Variants in PRKCQ observed in about 807,000 individuals in gnomAD.
PRKCQ encodes protein kinase C theta, also known as protein kinase C theta type.
PRKCQ carries 41 observed loss-of-function variants against 91.2 expected under a neutral mutation model. That is an observed-to-expected ratio of 0.45 (90% confidence interval 0.35 to 0.58). The LOEUF is 0.58. Ranked by LOEUF, PRKCQ falls within the 20% of genes least tolerant of loss-of-function variation. The pLI is 0.00. For missense variants in PRKCQ, 673 were observed against 896.5 expected, an observed-to-expected ratio of 0.75 and a Z score of 3.18; for synonymous variants, 307 against 316.9, an observed-to-expected ratio of 0.97 and a Z score of 0.33.
At chr10:6,507,630 A>G in intron 3 of PRKCQ, 134 bp from the exon 4 acceptor site, 2 of 769,696 alleles carry the variant, frequency 2.6e-6, no homozygotes, top group South Asian at 3.1e-5. Flanking sequence ...ACTGTACTCA[A>G]ACTCATTGTC....
intron 1 of PRKCQ, among the ~76,000 whole-genome samples, chr10:6,516,540 GTTTC>G (rs951723319): frequency 1.3e-5 from 2 of 152,178 alleles, no homozygotes; most frequent in Admixed American, 1.3e-4. Flanking sequence ...TCTGGAGAGA[GTTTC>G]TTTGAGAATC....
rs369854553 is a variant in PRKCQ at position 6,567,918 on chromosome 10, G to A, written c.-10+12293C>T. 6.5e-3 allele frequency among the ~76,000 whole-genome samples: 987 copies of A among 151,762 alleles called. 12 individuals carry two copies. The highest frequency in any genetic ancestry group is 0.044 in the South Asian group (210 of 4,790). On this transcript the variant is annotated intron_variant, in intron 1 of 17. Transcript: ENST00000263125. ...ATTTAGTCTTTTACCTTTCTTACTC[G>A]TATCTATTTTAGTACATTTAAAAGT...
chr10:6,399,766 G>A, the PRKCQ span, among the ~76,000 whole-genome samples: 1,265 of 152,114 alleles, frequency 8.3e-3, 17 homozygotes, highest in African/African-American at 0.029. Flanking sequence ...CTTGGCTGGC[G>A]GATTCCACAA....
At chr10:6,398,528 G>A in the PRKCQ span, among the ~76,000 whole-genome samples, 1,592 of 152,264 alleles carry the variant, frequency 0.01, 35 homozygotes, top group African/African-American at 0.036. Context: ...TTCATTTGGA[G>A]TGGGCATGTG....
chr10:6,417,894 G>A, the PRKCQ span, among the ~76,000 whole-genome samples: 3 of 152,166 alleles, frequency 2.0e-5, no homozygotes, highest in Admixed American at 6.5e-5. Flanking sequence ...CCCAGCAAAA[G>A]TCCCTTCACT....
At chr10:6,418,327 C>G in the PRKCQ span, among the ~76,000 whole-genome samples, 1 of 152,198 alleles carries the variant, frequency 6.6e-6, no homozygotes, top group South Asian at 2.1e-4. Context: ...TGACAAAGAG[C>G]TGATAGGCAG....
intron 1 of PRKCQ, among the ~76,000 whole-genome samples, chr10:6,537,059 G>T (rs1481190889): frequency 6.6e-6 from 1 of 152,230 alleles, no homozygotes; most frequent in Non-Finnish European, 1.5e-5. Flanking sequence ...GGGACAGAAA[G>T]ATGGGGCGCA....
the PRKCQ span, among the ~76,000 whole-genome samples, chr10:6,410,376 T>C: frequency 6.6e-6 from 1 of 152,242 alleles, no homozygotes; most frequent in Non-Finnish European, 1.5e-5. Flanking sequence ...GAATTGGAAG[T>C]GCCAGAGATC....
chr10:6,464,431 TTTTA>T, intron 12 of PRKCQ, 27 bp from the exon 13 acceptor site: 1 of 1,506,086 alleles, frequency 6.6e-7, no homozygotes, highest in Non-Finnish European at 9.1e-7. Flanking sequence ...CAATTCCAAC[TTTTA>T]TTTCATTTCA....
chr10:6,425,493 A>T (rs1833095353), downstream of PRKCQ, among the ~76,000 whole-genome samples: 2 of 151,588 alleles, frequency 1.3e-5, no homozygotes, highest in South Asian at 4.2e-4. Flanking sequence ...AAGTGCTGGG[A>T]TTACAGGCGT....
chr10:6,474,881 C>T (rs1836187006), intron 12 of PRKCQ, among the ~76,000 whole-genome samples: 1 of 152,088 alleles, frequency 6.6e-6, no homozygotes, highest in Admixed American at 6.5e-5. Flanking sequence ...CAAAAGTTGG[C>T]TGGCATCCGC....
At chr10:6,541,908 A>AT (rs886556915) in intron 1 of PRKCQ, among the ~76,000 whole-genome samples, 1 of 151,884 alleles carries the variant, frequency 6.6e-6, no homozygotes, top group African/African-American at 2.4e-5. Flanking sequence ...ATTTCAAATG[A>AT]TTTTTTTTCT....
At chr10:6,415,334 A>G in the PRKCQ span, among the ~76,000 whole-genome samples, 1 of 150,450 alleles carries the variant, frequency 6.6e-6, no homozygotes, top group South Asian at 2.1e-4. Flanking sequence ...AAAGAAAACG[A>G]TACCAACACA....
At chr10:6,516,433 A>T (rs879204756) in intron 1 of PRKCQ, among the ~76,000 whole-genome samples, 1 of 152,220 alleles carries the variant, frequency 6.6e-6, no homozygotes, top group Admixed American at 6.5e-5. Context: ...TTGCTGAATT[A>T]GCAGGTAGAT....
chr10:6,489,803 G>C (rs1251624612), intron 8 of PRKCQ, among the ~76,000 whole-genome samples: 1 of 152,062 alleles, frequency 6.6e-6, no homozygotes, highest in African/African-American at 2.4e-5. Flanking sequence ...GGAGCGGAAA[G>C]GAAAGAGTAT....
At chr10:6,448,200 G>A (rs1265445537) in intron 15 of PRKCQ, among the ~76,000 whole-genome samples, 1 of 152,198 alleles carries the variant, frequency 6.6e-6, no homozygotes, top group Non-Finnish European at 1.5e-5. Context: ...CAGCCTGTGA[G>A]TGGATAAGCC....
the PRKCQ span, among the ~76,000 whole-genome samples, chr10:6,400,516 C>T: frequency 6.6e-6 from 1 of 151,932 alleles, no homozygotes; most frequent in Non-Finnish European, 1.5e-5. Context: ...TATATTTCAA[C>T]ACACAGCGAG....
intron 4 of PRKCQ, among the ~76,000 whole-genome samples, chr10:6,503,346 T>C (rs1470752971): frequency 6.6e-6 from 1 of 152,072 alleles, no homozygotes; most frequent in Non-Finnish European, 1.5e-5. Flanking sequence ...GGTTGGTTAC[T>C]GAATGGATAG....
the PRKCQ span, among the ~76,000 whole-genome samples, chr10:6,420,051 C>A: frequency 6.6e-6 from 1 of 151,994 alleles, no homozygotes; most frequent in Non-Finnish European, 1.5e-5. Flanking sequence ...TGCAGTGGTG[C>A]GATCTCGGCT....
Sources: allele counts gnomAD v4.1 joint callset (sites outside exome capture counted in the v4.1 genomes callset), GRCh38; gene constraint gnomAD v4.1.1; transcripts MANE v1.5; gene names NCBI Gene and HGNC (gene_info 2026-07-23, HGNC 2026-07-21).